Variants in AGBL1 observed in about 807,000 individuals in gnomAD.
AGBL1 encodes cytosolic carboxypeptidase 4.
Under a neutral mutation model 118.9 loss-of-function variants are expected in AGBL1, and 130 were observed. The ratio of observed to expected loss-of-function variants is 1.09; its 90% CI spans 0.95 to 1.26. The LOEUF (loss-of-function observed/expected upper bound fraction) is 1.26, where lower values mean the gene tolerates loss of function less well. Among genes scored for constraint, AGBL1 ranks in the 50% most tolerant of loss-of-function variants. The probability of loss-of-function intolerance (pLI) is 0.00; values close to 1 mark genes in which losing one functional copy is unlikely to be tolerated. For synonymous variants in AGBL1, 555 were observed against 478.9 expected, an observed-to-expected ratio of 1.16 and a Z score of -2.08; for missense variants, 1,584 against 1,298.1, an observed-to-expected ratio of 1.22 and a Z score of -3.38.
chr15:86,732,180 A>G (rs1369155467), intron 22 of AGBL1, among the ~76,000 whole-genome samples: 2 of 152,262 alleles, frequency 1.3e-5, no homozygotes, highest in East Asian at 1.9e-4. Flanking sequence ...CTAGAGACTA[A>G]TAAATAAACT....
intron 24 of AGBL1, among the ~76,000 whole-genome samples, chr15:86,999,224 ATAT>A (rs960343429): frequency 6.6e-6 from 1 of 150,556 alleles, no homozygotes; most frequent in Non-Finnish European, 1.5e-5. Flanking sequence ...TTTTATATAT[ATAT>A]TTTTTATTAT....
intron 7 of AGBL1, among the ~76,000 whole-genome samples, chr15:86,256,406 A>G (rs1264331405): frequency 2.0e-5 from 3 of 152,204 alleles, no homozygotes; most frequent in African/African-American, 7.2e-5. Flanking sequence ...TCCACAGAAG[A>G]CAGCTGAAAG....
chr15:86,086,681 T>TG (rs773765812), intron 1 of AGBL1, among the ~76,000 whole-genome samples: 3 of 152,182 alleles, frequency 2.0e-5, no homozygotes, highest in Non-Finnish European at 2.9e-5. Flanking sequence ...AATACATCTA[T>TG]GGAGTAACCT....
At chr15:86,234,646 G>C (rs562023831) in intron 6 of AGBL1, among the ~76,000 whole-genome samples, 3 of 150,894 alleles carry the variant, frequency 2.0e-5, no homozygotes, top group South Asian at 4.2e-4. Flanking sequence ...GTGTAGAGTT[G>C]AACTGTGGCC....
chr15:86,236,574 C>T (rs187086607), intron 6 of AGBL1, among the ~76,000 whole-genome samples: 140 of 152,130 alleles, frequency 9.2e-4, no homozygotes, highest in Non-Finnish European at 1.6e-3. Context: ...TGTTACAGCT[C>T]TGAGGACTGG....
intron 5 of AGBL1, 135 bp from the exon 6 acceptor site, chr15:86,224,779 A>C (rs2078333340): frequency 2.5e-6 from 2 of 786,200 alleles, no homozygotes; most frequent in South Asian, 3.2e-5. Flanking sequence ...TCAGCGGGGC[A>C]ATCAATAGAT....
chr15:86,206,497 ATCACCAT>A (rs1424648488), intron 5 of AGBL1, among the ~76,000 whole-genome samples: 1 of 152,166 alleles, frequency 6.6e-6, no homozygotes, highest in Non-Finnish European at 1.5e-5. Flanking sequence ...CTTTTTAATG[ATCACCAT>A]TCTAACTGGT....
rs530592956 is a variant in AGBL1 at position 86,405,161 on chromosome 15, T to C, written c.2555+7615T>C. ...ATCTTTTGCTATATAATTGACTATC[T>C]AAGTGTTAATCAGTCTTCTAGTCTT... On this transcript the variant is annotated intron_variant, in intron 18 of 22. Coordinates refer to ENST00000614907, the MANE Select transcript of AGBL1 (RefSeq NM_001386094.1). Among the ~76,000 whole-genome samples, 6 of 152,334 alleles carry C rather than the reference T, an allele frequency of 3.9e-5. No individual in the cohort carries two copies. In the South Asian group the frequency reaches 1.2e-3, roughly 32 times the overall value.
chr15:86,101,226 C>T (rs934960386), intron 1 of AGBL1, among the ~76,000 whole-genome samples: 6 of 152,124 alleles, frequency 3.9e-5, no homozygotes, highest in Admixed American at 3.3e-4. Context: ...CGAGAAGATA[C>T]TTGATATAAT....
Position 86,614,835 on chromosome 15 carries a change from A to G in AGBL1, c.2995-59438A>G, listed in dbSNP as rs80203991. Reference sequence around the variant, plus strand: ...CATATAATCTACTGATCGTAAGAAGAAAGTGTTGTGTAGACAAAGAGAAGA... The same window carrying G: ...CATATAATCTACTGATCGTAAGAAGGAAGTGTTGTGTAGACAAAGAGAAGA... On this transcript the variant is annotated intron_variant, in intron 21 of 22. Transcript: ENST00000614907. Among the ~76,000 whole-genome samples the G allele has an allele frequency of 3.3e-5, 5 of 152,344 alleles. No homozygotes were observed. In the East Asian group the frequency reaches 9.6e-4, roughly 29 times the overall value.
At chr15:86,803,072 G>T (rs1479087662) in intron 22 of AGBL1, among the ~76,000 whole-genome samples, 2 of 152,122 alleles carry the variant, frequency 1.3e-5, no homozygotes, top group African/African-American at 4.8e-5. Flanking sequence ...ATCCAAATGA[G>T]GGGCCATAGT....
At chr15:86,407,889 T>A (rs2142005186) in intron 18 of AGBL1, among the ~76,000 whole-genome samples, 1 of 152,250 alleles carries the variant, frequency 6.6e-6, no homozygotes, top group South Asian at 2.1e-4. Context: ...ATTTGGCTTC[T>A]GAAATGCACA....
intron 18 of AGBL1, among the ~76,000 whole-genome samples, chr15:86,450,259 C>A (rs753907115): frequency 6.6e-6 from 1 of 152,224 alleles, no homozygotes; most frequent in Non-Finnish European, 1.5e-5. Flanking sequence ...CCATTAGATT[C>A]TCCCAGGAGA....
chr15:86,917,338 GTC>G (rs752697975), downstream of AGBL1, among the ~76,000 whole-genome samples: 2 of 152,168 alleles, frequency 1.3e-5, no homozygotes, highest in Non-Finnish European at 2.9e-5. This position sits in a 1 kb window ranked among gnomAD's most constrained non-coding sequence, Gnocchi z 4.8. Context: ...CATCGACCTT[GTC>G]TCTCAGCATT....
chr15:86,220,771 G>T (rs895536831), intron 5 of AGBL1, among the ~76,000 whole-genome samples: 17 of 152,110 alleles, frequency 1.1e-4, no homozygotes, highest in African/African-American at 4.1e-4. Flanking sequence ...TGTAAACATG[G>T]GGACATCCAT....
intron 24 of AGBL1, among the ~76,000 whole-genome samples, chr15:87,000,239 C>A (rs1415953271): frequency 6.6e-5 from 4 of 60,444 alleles, no homozygotes; most frequent in African/African-American, 1.9e-4. Context: ...TAATTAGATC[C>A]CATTTGTCAA....
intron 22 of AGBL1, among the ~76,000 whole-genome samples, chr15:86,686,496 G>A (rs937653974): frequency 7.2e-6 from 1 of 138,096 alleles, no homozygotes; most frequent in Non-Finnish European, 1.5e-5. Context: ...GGAGTGCAAT[G>A]GCATGATCTC....
chr15:86,430,699 C>T (rs968550026), intron 18 of AGBL1, among the ~76,000 whole-genome samples: 2 of 152,106 alleles, frequency 1.3e-5, no homozygotes, highest in East Asian at 1.9e-4. Flanking sequence ...AGAAAAGGCA[C>T]GCTGAGAATT....
At chr15:86,632,301 A>C (rs111758866) in intron 21 of AGBL1, among the ~76,000 whole-genome samples, 4 of 146,310 alleles carry the variant, frequency 2.7e-5, no homozygotes, top group African/African-American at 1.0e-4. Context: ...AAGGCTGGCC[A>C]GGTGCAGTGG....
Sources: allele counts gnomAD v4.1 joint callset (sites outside exome capture counted in the v4.1 genomes callset), GRCh38; gene constraint gnomAD v4.1.1; non-coding constraint Gnocchi (gnomAD v3.1); transcripts MANE v1.5; gene names NCBI Gene and HGNC (gene_info 2026-07-23, HGNC 2026-07-21).